The following TRIM2 variants were observed in gnomAD, a reference collection of about 807,000 sequenced individuals.
TRIM2 encodes the protein tripartite motif containing 2.
In TRIM2, 20 loss-of-function variants were observed where a neutral mutation model predicts 75.2. The observed-to-expected ratio is 0.27, with a 90% CI of 0.19 to 0.39. The LOEUF is 0.39. Ranked by LOEUF, TRIM2 falls within the 10% of genes least tolerant of loss-of-function variation. TRIM2 has a pLI of 1.00. For synonymous variants in TRIM2, 373 were observed against 388.3 expected, an observed-to-expected ratio of 0.96 and a Z score of 0.46; for missense variants, 660 against 990.8, an observed-to-expected ratio of 0.67 and a Z score of 4.48.
intron 1 of TRIM2, among the ~76,000 whole-genome samples, chr4:153,266,732 C>T (rs1344799318): frequency 6.8e-6 from 1 of 146,816 alleles, no homozygotes; most frequent in African/African-American, 2.6e-5. Flanking sequence ...GTGATCTGTT[C>T]ACCCGAACTC....
chr4:153,325,186 G>C (rs908160298), intron 10 of TRIM2, among the ~76,000 whole-genome samples: 29 of 152,204 alleles, frequency 1.9e-4, no homozygotes, highest in Non-Finnish European at 2.4e-4. Context: ...ATCCTGGAGA[G>C]CCTCTAACCT....
intron 1 of TRIM2, among the ~76,000 whole-genome samples, chr4:153,209,324 T>C (rs1736313307): frequency 6.6e-6 from 1 of 152,158 alleles, no homozygotes; most frequent in South Asian, 2.1e-4. Flanking sequence ...TCCGATATGT[T>C]CAAGGGACCC....
rs141414486 is a variant in TRIM2, at chr4:153,329,246, GT to G, written c.2163+582del. ...ATTTCAATAGCTATATTTTAATATG[GT>G]TTTTTACAATCCCATGTGTTTTGTT... On this transcript the variant is annotated intron_variant, in intron 11 of 11. Coordinates refer to ENST00000338700, the MANE Select transcript of TRIM2 (RefSeq NM_015271.5). Among the ~76,000 whole-genome samples the G allele has an allele frequency of 1.5e-3, 227 of 151,856 alleles. 6 individuals are homozygous for G. The East Asian group carries it at 0.035, about 23-fold the overall frequency.
chr4:153,167,690 G>A lies in TRIM2; in HGVS notation c.-49+14420G>A, dbSNP rs188630223. Among the ~76,000 whole-genome samples the A allele has an allele frequency of 5.8e-4, 89 of 152,292 alleles. 1 individual carries two copies. The Middle Eastern group carries it at 0.014, about 23-fold the overall frequency. ...GGGACAAGTATAAAACTATGGGGGT[G>A]CAGTGAATCCTACACCCTCCACAGT... On this transcript the variant is annotated intron_variant, in intron 1 of 11. Coordinates refer to the TRIM2 transcript ENST00000437508.
intron 1 of TRIM2, among the ~76,000 whole-genome samples, chr4:153,267,422 G>A: frequency 6.6e-6 from 1 of 152,306 alleles, no homozygotes; most frequent in Non-Finnish European, 1.5e-5. Flanking sequence ...GGAGGCTGAG[G>A]CGGGTGGATC....
At chr4:153,270,632 T>C in intron 2 of TRIM2, 113 bp downstream of exon 2, 2 of 911,240 alleles carry the variant, frequency 2.2e-6, no homozygotes, top group South Asian at 4.7e-5. Context: ...ACTAATCTCT[T>C]GTGCTTCTGC....
chr4:153,245,351 T>C (rs1185441817), intron 1 of TRIM2, among the ~76,000 whole-genome samples: 12 of 152,250 alleles, frequency 7.9e-5, no homozygotes, highest in Admixed American at 7.8e-4. Context: ...TGTCTTAATG[T>C]CCAGACAGTG....
intron 1 of TRIM2, among the ~76,000 whole-genome samples, chr4:153,259,411 A>G (rs529611796): frequency 6.6e-6 from 1 of 152,298 alleles, no homozygotes; most frequent in East Asian, 1.9e-4. Context: ...TAGGTAGGGG[A>G]AAATCCCAAA....
intron 1 of TRIM2, chr4:153,222,613 C>G (rs1021923666): frequency 2.0e-5 from 3 of 152,182 alleles, no homozygotes; most frequent in African/African-American, 7.2e-5. Flanking sequence ...GGATTTGCCT[C>G]TGCCTCGCGG....
In TRIM2 at chr4:153,335,265, G is replaced by A. The variant is rs1561036435; in HGVS notation, c.*299G>A. On this transcript the variant is annotated 3_prime_UTR_variant, in exon 12 of 12. Coordinates refer to ENST00000338700, the MANE Select transcript of TRIM2 (RefSeq NM_015271.5). Reference sequence around the variant, plus strand: ...CTAAACTAATTTTGCAAATCAAACAGACACTTAAAAAACTAGCATATGTAA... The same window carrying A: ...CTAAACTAATTTTGCAAATCAAACAAACACTTAAAAAACTAGCATATGTAA... The A allele has an allele frequency of 9.6e-7, 1 of 1,039,426 alleles. No homozygotes were observed. The highest frequency in any genetic ancestry group is 2.4e-5 in the African/African-American group (1 of 40,894). 64.4% of individuals were successfully genotyped at this position (1,039,426 alleles called of 1,614,324 possible). A position where few individuals can be genotyped will look rare whatever the true frequency, so the allele number is the denominator to read the frequency against.
rs536431928 is a variant in TRIM2, at chr4:153,223,780, A to C, written c.30+19220A>C. ...CCCTTTGCTTTCCCGGGAAATCACC[A>C]GCTTTAATTTATGGAACAGAGACAG... On this transcript the variant is annotated intron_variant, in intron 1 of 11. Transcript: ENST00000338700. 2.0e-5 allele frequency among the ~76,000 whole-genome samples: 3 copies of C among 152,298 alleles called. No individual in the cohort carries two copies. The East Asian group carries it at 5.8e-4, about 29-fold the overall frequency.
intron 1 of TRIM2, among the ~76,000 whole-genome samples, chr4:153,153,979 T>G (rs1728988049): frequency 7.8e-6 from 1 of 128,354 alleles, no homozygotes; most frequent in Non-Finnish European, 1.5e-5. Context: ...GGGGGTGTGG[T>G]TTTTTTTCCT....
intron 3 of TRIM2, among the ~76,000 whole-genome samples, chr4:153,286,757 C>T (rs1172207046): frequency 6.6e-6 from 1 of 151,008 alleles, no homozygotes; most frequent in Non-Finnish European, 1.5e-5. Flanking sequence ...ACACACCCAC[C>T]ACCCCGCACC....
intron 8 of TRIM2, among the ~76,000 whole-genome samples, chr4:153,319,738 A>T (rs1192027050): frequency 6.6e-6 from 1 of 151,728 alleles, no homozygotes; most frequent in African/African-American, 2.4e-5. Context: ...CTCAAAAAAA[A>T]AATATATATA....
At chr4:153,230,184 T>C (rs941420354) in intron 1 of TRIM2, among the ~76,000 whole-genome samples, 1 of 139,928 alleles carries the variant, frequency 7.1e-6, no homozygotes, top group Non-Finnish European at 1.6e-5. Context: ...ATCCACACTA[T>C]TTTTTTTTTT....
chr4:153,229,044 C>T (rs939076738), intron 1 of TRIM2, among the ~76,000 whole-genome samples: 4 of 152,130 alleles, frequency 2.6e-5, no homozygotes, highest in African/African-American at 9.7e-5. Context: ...ACGTGGGGCC[C>T]TGTGCAAAGT....
intron 1 of TRIM2, among the ~76,000 whole-genome samples, chr4:153,260,450 G>T (rs575297800): frequency 1.5e-4 from 23 of 152,072 alleles, no homozygotes; most frequent in Non-Finnish European, 2.6e-4. Context: ...ACTAAAGAAA[G>T]AGGTAGGGGA....
intron 1 of TRIM2, among the ~76,000 whole-genome samples, chr4:153,222,022 CAAGG>C (rs1483137536): frequency 2.7e-4 from 5 of 18,476 alleles, no homozygotes; most frequent in African/African-American, 9.4e-4. Context: ...AAGGAAAGAG[CAAGG>C]AAGGAAGGAA....
In TRIM2 at chr4:153,248,921, T is replaced by G. The variant is rs1174981978; in HGVS notation, c.31-21414T>G. Among the ~76,000 whole-genome samples the G allele has an allele frequency of 6.6e-6, 1 of 152,164 alleles. No individual in the cohort carries two copies. Among genetic ancestry groups the G allele is most frequent in the Non-Finnish European group, 1.5e-5 (1 of 68,030 alleles). ...ACCCAAGCATGTTACTCGGAGAAAG[T>G]CCCACCCCCAGCATGGGCGCATCGG... On this transcript the variant is annotated intron_variant, in intron 1 of 11. Coordinates refer to ENST00000338700, the MANE Select transcript of TRIM2 (RefSeq NM_015271.5). This position sits in a 1 kb window ranked among gnomAD's most constrained non-coding sequence, Gnocchi z 4.0.
Sources: allele counts gnomAD v4.1 joint callset (sites outside exome capture counted in the v4.1 genomes callset), GRCh38; gene constraint gnomAD v4.1.1; non-coding constraint Gnocchi (gnomAD v3.1); transcripts MANE v1.5; gene names NCBI Gene and HGNC (gene_info 2026-07-23, HGNC 2026-07-21).